Variants in DYNC1H1 observed in about 807,000 individuals in gnomAD.
DYNC1H1 encodes dynein cytoplasmic 1 heavy chain 1, also known as cytoplasmic dynein 1 heavy chain 1.
DYNC1H1 carries 51 observed loss-of-function variants against 527.1 expected under a neutral mutation model. The ratio of observed to expected loss-of-function variants is 0.10; its 90% CI spans 0.08 to 0.12. DYNC1H1 has a LOEUF of 0.12. Ranked by LOEUF, DYNC1H1 falls within the 10% of genes least tolerant of loss-of-function variation. The probability of loss-of-function intolerance (pLI) is 1.00; values close to 1 mark genes in which losing one functional copy is unlikely to be tolerated. For missense variants in DYNC1H1, 2,771 were observed against 5,971.8 expected, an observed-to-expected ratio of 0.46 and a Z score of 17.66; for synonymous variants, 2,189 against 2,278.8, an observed-to-expected ratio of 0.96 and a Z score of 1.12.
At chr14:101,989,003 G>C in intron 10 of DYNC1H1, 151 bp downstream of exon 10, 1 of 1,089,274 alleles carries the variant, frequency 9.2e-7, no homozygotes, top group South Asian at 1.4e-5. Flanking sequence ...GTGGCGATGT[G>C]CAGGTGTCAT....
intron 2 of DYNC1H1, among the ~76,000 whole-genome samples, chr14:101,976,079 G>C (rs2047797146): frequency 6.6e-6 from 1 of 151,188 alleles, no homozygotes; most frequent in Non-Finnish European, 1.5e-5. Flanking sequence ...GGCTAATTCT[G>C]TATTTTTAGT....
At chr14:102,034,480 A>AT (rs1567019595) in intron 56 of DYNC1H1, 28 bp downstream of exon 56, 1 of 1,612,282 alleles carries the variant, frequency 6.2e-7, no homozygotes, top group Non-Finnish European at 8.5e-7. Context: ...AAGGAGAGGC[A>AT]TGGGAGGAAT....
At chr14:102,046,321 G>C (rs1261303461) in intron 72 of DYNC1H1, among the ~76,000 whole-genome samples, 2 of 152,184 alleles carry the variant, frequency 1.3e-5, no homozygotes, top group African/African-American at 4.8e-5. Context: ...TTTCTTATGG[G>C]AAAAAGTCAC....
chr14:101,995,937 G>A (rs1179249509), intron 15 of DYNC1H1, among the ~76,000 whole-genome samples: 2 of 150,802 alleles, frequency 1.3e-5, no homozygotes, highest in African/African-American at 4.9e-5. Context: ...GGTGGCATGT[G>A]CCTGTAGTCC....
chr14:102,042,141 G>A lies in DYNC1H1; in HGVS notation c.12214+17G>A. On this transcript the variant is annotated intron_variant, in intron 66 of 77. Transcript: ENST00000360184. This position sits in a 1 kb window ranked among gnomAD's most constrained non-coding sequence, Gnocchi z 5.7. ...TTGCAATCGGTAAGGATGCTTGAGG[G>A]GCTTCATGGGCTGGAGCCCTGCAGG... 3 of 1,614,034 alleles carry A rather than the reference G, an allele frequency of 1.9e-6. No individual in the cohort carries two copies. The highest frequency in any genetic ancestry group is 2.5e-6 in the Non-Finnish European group (3 of 1,180,012).
Position 102,001,024 on chromosome 14 carries a change from C to T in DYNC1H1, c.4145C>T (p.Ser1382Phe). The T allele has an allele frequency of 6.2e-7, 1 of 1,614,188 alleles. No individual in the cohort carries two copies. The highest frequency in any genetic ancestry group is 8.5e-7 in the Non-Finnish European group (1 of 1,180,052). ...CCTGCCCGGTTGCGACAGTATGCGT[C>T]CTATGAGTTTGTTCAGAGGCTTCTG... ...SFPARLRQYA[S>F]YEFVQRLLKG... Residue 1382 changes from serine (S) to phenylalanine (F), a missense_variant, in exon 19 of 78, where the codon TCC becomes TTC. Around this residue, in one of 32 missense-constraint regions of DYNC1H1, gnomAD observed 223 missense variants for 462.5 expected, o/e 0.48. Coordinates refer to ENST00000360184, the MANE Select transcript of DYNC1H1 (RefSeq NM_001376.5). This position sits in a 1 kb window ranked among gnomAD's most constrained non-coding sequence, Gnocchi z 5.0.
Position 102,049,526 on chromosome 14 carries a change from A to G in DYNC1H1, c.13459A>G (p.Lys4487Glu), listed in dbSNP as rs756341245. 6.2e-7 allele frequency: 1 copy of G among 1,614,124 alleles called. No individual in the cohort carries two copies. Residue 4487 changes from lysine to glutamate, a missense_variant, in exon 75 of 78, where the codon AAA (lysine) becomes GAA (glutamate). Coordinates refer to ENST00000360184, the MANE Select transcript of DYNC1H1 (RefSeq NM_001376.5). The surrounding 1 kb of genome is among the most constrained non-coding windows in gnomAD (Gnocchi z 5.5). ...QWVSDFSERI[K>E]QLQNISLAAA... is the part of the protein sequence containing the mutation. Reference sequence around the variant, plus strand: ...GGTGTCCGACTTCAGCGAGAGGATCAAACAGCTGCAGAACATCTCACTGGC... The same window carrying G: ...GGTGTCCGACTTCAGCGAGAGGATCGAACAGCTGCAGAACATCTCACTGGC...
Position 102,017,318 on chromosome 14 carries a change from T to C in DYNC1H1, c.8055+24T>C. Reference sequence around the variant, plus strand: ...AGGTTTGTTTCTATCCACAAGGCCCTTCCTGCCCCACAATGTTTCTTGTTC... The same window carrying C: ...AGGTTTGTTTCTATCCACAAGGCCCCTCCTGCCCCACAATGTTTCTTGTTC... On this transcript the variant is annotated intron_variant, in intron 39 of 77. Coordinates refer to ENST00000360184, the MANE Select transcript of DYNC1H1 (RefSeq NM_001376.5). The surrounding 1 kb of genome is among the most constrained non-coding windows in gnomAD (Gnocchi z 4.6). The C allele has an allele frequency of 6.2e-7, 1 of 1,614,248 alleles. No individual in the cohort carries two copies. Among genetic ancestry groups the C allele is most frequent in the Admixed American group, 1.7e-5 (1 of 60,028 alleles).
chr14:102,045,658 G>T (rs2048708650), intron 72 of DYNC1H1, among the ~76,000 whole-genome samples: 1 of 151,892 alleles, frequency 6.6e-6, no homozygotes, highest in South Asian at 2.1e-4. Flanking sequence ...TTCAAGAGTT[G>T]AAAAGTACCT....
Position 102,033,610 on chromosome 14 carries a change from G to T in DYNC1H1, c.10413+126G>T. On this transcript the variant is annotated intron_variant, in intron 54 of 77. Coordinates refer to ENST00000360184, the MANE Select transcript of DYNC1H1 (RefSeq NM_001376.5). This position sits in a 1 kb window ranked among gnomAD's most constrained non-coding sequence, Gnocchi z 5.6. ...CGCTCTTTAACATCTGTAAGGCCCC[G>T]GAGGACTTTTTTCCTGGAAAATAAT... 7.8e-7 allele frequency: 1 copy of T among 1,277,862 alleles called. No individual in the cohort carries two copies. The highest frequency in any genetic ancestry group is 1.1e-6 in the Non-Finnish European group (1 of 909,928). The allele number at this position is 1,277,862 out of a possible 1,614,324, so 79.2% of individuals were successfully genotyped here.
Position 102,006,992 on chromosome 14 carries a change from G to A in DYNC1H1, c.5717-16G>A. 2 of 1,613,580 alleles carry A rather than the reference G, an allele frequency of 1.2e-6. No individual in the cohort carries two copies. The highest frequency in any genetic ancestry group is 1.3e-5 in the African/African-American group (1 of 75,038). ...AGGTAATGGACTCAAGCACTCTGTT[G>A]CTTTTCTTTAAACAGGACCTGCTGG... On this transcript the variant is annotated splice_polypyrimidine_tract_variant and intron_variant, in intron 27 of 77. Coordinates refer to ENST00000360184, the MANE Select transcript of DYNC1H1 (RefSeq NM_001376.5).
intron 1 of DYNC1H1, among the ~76,000 whole-genome samples, chr14:101,973,263 A>G (rs1043011044): frequency 6.6e-6 from 1 of 151,454 alleles, no homozygotes; most frequent in Non-Finnish European, 1.5e-5. Context: ...GGTTGAAGCA[A>G]TTCTCTTACC....
chr14:101,976,350 C>T (rs1457095739), intron 2 of DYNC1H1, among the ~76,000 whole-genome samples: 1 of 151,198 alleles, frequency 6.6e-6, no homozygotes, highest in Non-Finnish European at 1.5e-5. Flanking sequence ...TGAGACCACC[C>T]TGACCAACAT....
chr14:102,049,751 A>G lies in DYNC1H1; in HGVS notation c.13553A>G (p.Glu4518Gly). The G allele has an allele frequency of 6.2e-7, 1 of 1,613,908 alleles. No individual in the cohort carries two copies. The change falls in exon 76 of 78, where the codon GAG (glutamate) becomes GGG (glycine). Residue 4518 changes from glutamate (E) to glycine (G), a missense_variant. Physicochemically the swap from Glu to Gly is moderately conservative, Grantham distance 98. Around this residue, in one of 32 missense-constraint regions of DYNC1H1, gnomAD observed 170 missense variants for 249.8 expected, o/e 0.68. Coordinates refer to ENST00000360184, the MANE Select transcript of DYNC1H1 (RefSeq NM_001376.5). The surrounding 1 kb of genome is among the most constrained non-coding windows in gnomAD (Gnocchi z 5.5). The stretch of plus-strand genomic sequence containing the variant: ...TGCCTGGGTGGCCTGTTCGTGCCTG[A>G]GGCGTACATCACTGCCACCAGGCAG... ...HVCLGGLFVP[E>G]AYITATRQYV...
At chr14:102,000,825 G>A (rs1449779037) in intron 18 of DYNC1H1, 129 bp from the exon 19 acceptor site, 17 of 819,080 alleles carry the variant, frequency 2.1e-5, no homozygotes, top group South Asian at 5.5e-5. Flanking sequence ...CTGCTCGCCC[G>A]GCCTCCCAAA....
Position 102,038,436 on chromosome 14 carries a change from A to G in DYNC1H1, c.10909-24A>G, listed in dbSNP as rs1176874206. 5 of 1,613,354 alleles carry G rather than the reference A, an allele frequency of 3.1e-6. No homozygotes were observed. The East Asian group carries it at 1.1e-4, about 36-fold the overall frequency. Reference sequence around the variant, plus strand: ...ATAAAGTTACAAAGCCCTGACCATCAAGTTCCACCCGTGTGGAATGCAGGA... The same window carrying G: ...ATAAAGTTACAAAGCCCTGACCATCGAGTTCCACCCGTGTGGAATGCAGGA... On this transcript the variant is annotated intron_variant, in intron 57 of 77. Coordinates refer to ENST00000360184, the MANE Select transcript of DYNC1H1 (RefSeq NM_001376.5). This position sits in a 1 kb window ranked among gnomAD's most constrained non-coding sequence, Gnocchi z 7.2.
At chr14:101,977,520 A>G (rs1238513691) in intron 2 of DYNC1H1, among the ~76,000 whole-genome samples, 1 of 152,218 alleles carries the variant, frequency 6.6e-6, no homozygotes, top group Non-Finnish European at 1.5e-5. Flanking sequence ...CCTCAGTACA[A>G]TGATCAAATT....
In DYNC1H1 at chr14:101,971,028, C is replaced by T. The variant is rs148215073; in HGVS notation, c.257-4684C>T. Among the ~76,000 whole-genome samples, 456 of 150,390 alleles carry T rather than the reference C, an allele frequency of 3.0e-3. 5 individuals carry two copies. The highest frequency in any genetic ancestry group is 0.01 in the African/African-American group (427 of 40,902). On this transcript the variant is annotated intron_variant, in intron 1 of 77. Transcript: ENST00000360184. ...GTGCTTTGTCCCTTTTCCAACTGCC[C>T]GTTCACCAGACTTTGAGAGGGCATG...
intron 11 of DYNC1H1, among the ~76,000 whole-genome samples, chr14:101,993,551 C>A (rs1450008940): frequency 6.6e-6 from 1 of 152,192 alleles, no homozygotes; most frequent in East Asian, 1.9e-4. Flanking sequence ...TCTTGCTGGT[C>A]CTCAAACATG....
Sources: allele counts gnomAD v4.1 joint callset (sites outside exome capture counted in the v4.1 genomes callset), GRCh38; gene constraint gnomAD v4.1.1; regional missense constraint gnomAD v4.1.1; non-coding constraint Gnocchi (gnomAD v3.1); transcripts MANE v1.5; gene names NCBI Gene and HGNC (gene_info 2026-07-23, HGNC 2026-07-21).